ERBB4: variants seen among roughly 807,000 people sequenced by gnomAD.
The protein encoded by ERBB4 is erb-b2 receptor tyrosine kinase 4, also known as receptor tyrosine-protein kinase erbB-4.
Under a neutral mutation model 158.0 loss-of-function variants are expected in ERBB4, and 42 were observed. The observed-to-expected ratio is 0.27, with a 90% CI of 0.21 to 0.34. The LOEUF (loss-of-function observed/expected upper bound fraction) is 0.34. ERBB4 is among the 10% of genes least tolerant of loss of function. ERBB4 has a pLI of 1.00. For synonymous variants in ERBB4, 583 were observed against 558.7 expected (o/e 1.04, Z -0.61); for missense variants, 1,333 against 1,624.1 (o/e 0.82, Z 3.08).
intron 15 of ERBB4, chr2:211,658,114 T>G: frequency 1.5e-6 from 1 of 688,624 alleles, no homozygotes; most frequent in South Asian, 1.6e-5. Context: ...TGGAACACAA[T>G]GAATTTCAAG....
chr2:211,505,742 C>G (rs985804420), intron 20 of ERBB4, among the ~76,000 whole-genome samples: 3 of 151,974 alleles, frequency 2.0e-5, no homozygotes, highest in African/African-American at 7.2e-5. Flanking sequence ...GGGTGGATCA[C>G]GAGGTCAGGA....
At chr2:211,450,271 C>T (rs2064212212) in intron 20 of ERBB4, among the ~76,000 whole-genome samples, 1 of 152,028 alleles carries the variant, frequency 6.6e-6, no homozygotes, top group African/African-American at 2.4e-5. Flanking sequence ...GGCAAACCTG[C>T]AGGATCTTGG....
intron 2 of ERBB4, among the ~76,000 whole-genome samples, chr2:212,076,702 T>A (rs2078284723): frequency 1.3e-5 from 2 of 151,958 alleles, no homozygotes; most frequent in South Asian, 4.2e-4. Context: ...GTCAGGCTAT[T>A]CTTAGAAAAA....
chr2:212,274,957 G>A (rs901392404), intron 1 of ERBB4, among the ~76,000 whole-genome samples: 6 of 151,772 alleles, frequency 4.0e-5, no homozygotes, highest in South Asian at 4.2e-4. Flanking sequence ...ACTGTGTGAT[G>A]TTCCCCTCCC....
chr2:211,661,107 T>G (rs1018501269), intron 15 of ERBB4, among the ~76,000 whole-genome samples: 3 of 152,008 alleles, frequency 2.0e-5, no homozygotes, highest in Non-Finnish European at 1.5e-5. Flanking sequence ...GAGGGGATTG[T>G]GTAGGATATT....
At chr2:211,645,742 T>A (rs1394719771) in intron 16 of ERBB4, among the ~76,000 whole-genome samples, 1 of 151,718 alleles carries the variant, frequency 6.6e-6, no homozygotes, top group South Asian at 2.1e-4. Flanking sequence ...TGTTACAAAT[T>A]TATGTATTTT....
chr2:212,099,736 G>GTTTTTT (rs3037296), intron 2 of ERBB4, among the ~76,000 whole-genome samples: 3 of 144,600 alleles, frequency 2.1e-5, no homozygotes, highest in Non-Finnish European at 3.0e-5. Flanking sequence ...TTGTTTTACA[G>GTTTTTT]TTTTTTTTTT....
At chr2:211,970,692 T>G (rs894973407) in intron 2 of ERBB4, among the ~76,000 whole-genome samples, 1 of 152,174 alleles carries the variant, frequency 6.6e-6, no homozygotes, top group African/African-American at 2.4e-5. Flanking sequence ...AAATTAGAAT[T>G]GCAACCCCTG....
rs143092427 is a variant in ERBB4, at chr2:212,013,927, C to A, written c.235-66311G>T. Among the ~76,000 whole-genome samples, 466 of 152,316 alleles carry A rather than the reference C, an allele frequency of 3.1e-3. 2 individuals carry two copies. The highest frequency in any genetic ancestry group is 6.8e-3 in the Middle Eastern group (2 of 294). Reference sequence around the variant, plus strand: ...TACGTTTCTATTGTTTTAAGCCACCCAGTTTGTCATACGTCATTACTGCAG... The same window carrying A: ...TACGTTTCTATTGTTTTAAGCCACCAAGTTTGTCATACGTCATTACTGCAG... On this transcript the variant is annotated intron_variant, in intron 2 of 27. Coordinates refer to ENST00000342788, the MANE Select transcript of ERBB4 (RefSeq NM_005235.3).
intron 20 of ERBB4, among the ~76,000 whole-genome samples, chr2:211,498,635 A>G (rs1355257247): frequency 2.0e-5 from 3 of 152,134 alleles, no homozygotes; most frequent in Admixed American, 2.0e-4. Context: ...CATAGTAAAA[A>G]TTCCAAATTC....
rs538947560 is a variant in ERBB4 at position 212,409,601 on chromosome 2, G to A, written c.82+128848C>T. On this transcript the variant is annotated intron_variant, in intron 1 of 27. Coordinates refer to ENST00000342788, the MANE Select transcript of ERBB4 (RefSeq NM_005235.3). ...ACAATGTTTGTAAAACTATATGCAAGGTAAAACAGTGATGTCTGGTCTATC... is the reference window on the plus strand; with the variant it reads ...ACAATGTTTGTAAAACTATATGCAAAGTAAAACAGTGATGTCTGGTCTATC... Among the ~76,000 whole-genome samples the A allele has an allele frequency of 3.7e-4, 56 of 152,200 alleles. 1 individual carries two copies. The highest frequency in any genetic ancestry group is 1.2e-3 in the African/African-American group (50 of 41,566).
intron 16 of ERBB4, among the ~76,000 whole-genome samples, chr2:211,638,920 T>C (rs2070462687): frequency 6.6e-6 from 1 of 152,154 alleles, no homozygotes; most frequent in Non-Finnish European, 1.5e-5. Context: ...CATAAACTTA[T>C]ACACTTGACT....
chr2:212,407,017 G>A (rs1305896570), intron 1 of ERBB4, among the ~76,000 whole-genome samples: 1 of 151,900 alleles, frequency 6.6e-6, no homozygotes, highest in Non-Finnish European at 1.5e-5. Flanking sequence ...TAGCTTAAGT[G>A]TTATCTTCAT....
intron 2 of ERBB4, among the ~76,000 whole-genome samples, chr2:211,990,702 G>A (rs779501243): frequency 1.3e-5 from 2 of 151,852 alleles, no homozygotes; most frequent in African/African-American, 2.4e-5. Flanking sequence ...ATGCTCAAGT[G>A]AAAAGTTCAG....
At chr2:211,654,793 C>G (rs2105892554) in intron 16 of ERBB4, among the ~76,000 whole-genome samples, 1 of 152,238 alleles carries the variant, frequency 6.6e-6, no homozygotes, top group East Asian at 1.9e-4. Flanking sequence ...TGCTTTTTAC[C>G]TATATTGTGG....
At chr2:211,945,749 G>T (rs1040047112) in intron 3 of ERBB4, among the ~76,000 whole-genome samples, 6 of 151,994 alleles carry the variant, frequency 3.9e-5, no homozygotes, top group African/African-American at 1.4e-4. Flanking sequence ...TAATTTAGTA[G>T]TACTGGTATT....
Position 211,503,234 on chromosome 2 carries a change from G to T in ERBB4, c.2487+58669C>A, listed in dbSNP as rs925834454. ...AAAGGCTTCAGTGAGCTGGGCAGCT[G>T]CAGCAAAACATGACTCTGGGCACCC... On this transcript the variant is annotated intron_variant, in intron 20 of 27. Coordinates refer to ENST00000342788, the MANE Select transcript of ERBB4 (RefSeq NM_005235.3). Among the ~76,000 whole-genome samples, 5 of 152,220 alleles carry T rather than the reference G, an allele frequency of 3.3e-5. No individual in the cohort carries two copies. In the South Asian group the frequency reaches 1.0e-3, roughly 32 times the overall value.
rs756504481 is a variant in ERBB4 at position 211,679,222 on chromosome 2, G to A, written c.1490-38C>T. Reference sequence around the variant, plus strand: ...AAAATCAAGGGGAAATAAAACAGAGGATTGTGTCAAAACTTAAAATCTTCC... The same window carrying A: ...AAAATCAAGGGGAAATAAAACAGAGAATTGTGTCAAAACTTAAAATCTTCC... On this transcript the variant is annotated intron_variant, in intron 12 of 27. Transcript: ENST00000342788. The A allele has an allele frequency of 3.7e-6, 6 of 1,609,752 alleles. No homozygotes were observed. In the South Asian group the frequency reaches 6.6e-5, roughly 18 times the overall value.
Position 212,498,440 on chromosome 2 carries a change from C to G in ERBB4, c.82+40009G>C, listed in dbSNP as rs184594838. Reference sequence around the variant, plus strand: ...AATGTAGAATAAATAATTAAAAATGCCTTTCAATCTCTAGAAGACTCTCCA... The same window carrying G: ...AATGTAGAATAAATAATTAAAAATGGCTTTCAATCTCTAGAAGACTCTCCA... On this transcript the variant is annotated intron_variant, in intron 1 of 27. Transcript: ENST00000342788. Among the ~76,000 whole-genome samples, 232 of 152,110 alleles carry G rather than the reference C, an allele frequency of 1.5e-3. 1 individual carries two copies. Among genetic ancestry groups the G allele is most frequent in the Middle Eastern group, 3.4e-3 (1 of 294 alleles).
Sources: allele counts gnomAD v4.1 joint callset (sites outside exome capture counted in the v4.1 genomes callset), GRCh38; gene constraint gnomAD v4.1.1; transcripts MANE v1.5; gene names NCBI Gene and HGNC (gene_info 2026-07-23, HGNC 2026-07-21).